PKHD1: variants seen among roughly 807,000 people sequenced by gnomAD.
PKHD1 encodes fibrocystin.
Under a neutral mutation model 412.0 loss-of-function variants are expected in PKHD1, and 291 were observed. The ratio of observed to expected loss-of-function variants is 0.71; its 90% CI spans 0.64 to 0.78. The LOEUF is 0.78. Ranked by LOEUF, PKHD1 falls within the 30% of genes least tolerant of loss-of-function variation. PKHD1 has a pLI of 0.00. For missense variants in PKHD1, 4,825 were observed against 4,950.7 expected (o/e 0.97, Z 0.76); for synonymous variants, 1,777 against 1,821.5 (o/e 0.98, Z 0.62).
intron 51 of PKHD1, among the ~76,000 whole-genome samples, chr6:51,832,947 T>C (rs1396893669): frequency 6.6e-6 from 1 of 152,148 alleles, no homozygotes; most frequent in East Asian, 1.9e-4. Context: ...GGAATAAGCA[T>C]CACTCAGTAA....
chr6:51,899,250 T>C lies in PKHD1; in HGVS notation c.6996+4347A>G, dbSNP rs566869705. On this transcript the variant is annotated intron_variant, in intron 43 of 66. Coordinates refer to ENST00000371117, the MANE Select transcript of PKHD1 (RefSeq NM_138694.4). The stretch of plus-strand genomic sequence containing the variant: ...TTACACCAATATCCTTGATGAACAT[T>C]GATGCAAAAATCCTCAATAAAATAC... Among the ~76,000 whole-genome samples the C allele has an allele frequency of 7.9e-5, 12 of 152,004 alleles. No homozygotes were observed. The East Asian group carries it at 1.9e-3, about 25-fold the overall frequency.
chr6:52,052,870 T>C (rs537460698), intron 21 of PKHD1, among the ~76,000 whole-genome samples: 1 of 151,342 alleles, frequency 6.6e-6, no homozygotes, highest in Non-Finnish European at 1.5e-5. Context: ...TAAGAGAAAA[T>C]CGTGGGGAAA....
At chr6:51,767,766 G>A (rs1026612853) in intron 55 of PKHD1, among the ~76,000 whole-genome samples, 29 of 152,214 alleles carry the variant, frequency 1.9e-4, no homozygotes, top group Middle Eastern at 3.4e-3. Context: ...GAATAGTGCC[G>A]CAATTAACAT....
chr6:52,006,196 C>T (rs763599758), intron 35 of PKHD1, among the ~76,000 whole-genome samples: 4 of 151,586 alleles, frequency 2.6e-5, no homozygotes, highest in Non-Finnish European at 2.9e-5. Flanking sequence ...ATATTTTAGA[C>T]GGAGTTTTGC....
intron 64 of PKHD1, among the ~76,000 whole-genome samples, chr6:51,637,653 C>T (rs150652910): frequency 0.017 from 2,644 of 151,470 alleles, 36 homozygotes; most frequent in Non-Finnish European, 0.027. Flanking sequence ...TGCCTGTAAT[C>T]CCAGCACTTA....
chr6:51,634,110 GCA>G (rs1752122469), intron 64 of PKHD1, among the ~76,000 whole-genome samples: 1 of 151,470 alleles, frequency 6.6e-6, no homozygotes, highest in African/African-American at 2.4e-5. Flanking sequence ...CATTTTTAAA[GCA>G]GCTCATTCAA....
chr6:51,818,484 T>C (rs1765841191), intron 52 of PKHD1, among the ~76,000 whole-genome samples: 1 of 152,226 alleles, frequency 6.6e-6, no homozygotes. Context: ...GATTTGACTC[T>C]ACTGTCTCTG....
At chr6:52,064,221 C>A (rs1035554006) in intron 13 of PKHD1, among the ~76,000 whole-genome samples, 2 of 152,350 alleles carry the variant, frequency 1.3e-5, no homozygotes, top group East Asian at 3.9e-4. Context: ...AAGTCAGGCC[C>A]TTGGGCACAG....
intron 43 of PKHD1, among the ~76,000 whole-genome samples, chr6:51,890,781 A>G (rs561842763): frequency 3.9e-4 from 60 of 152,328 alleles, no homozygotes; most frequent in African/African-American, 1.1e-3. Flanking sequence ...AAGAGTAGGA[A>G]GAAGACATGA....
intron 54 of PKHD1, among the ~76,000 whole-genome samples, chr6:51,774,750 A>T (rs536225625): frequency 7.2e-5 from 11 of 151,850 alleles, no homozygotes; most frequent in Non-Finnish European, 1.6e-4. Flanking sequence ...TTAAATTTAT[A>T]TCTCATAGTG....
intron 60 of PKHD1, among the ~76,000 whole-genome samples, chr6:51,675,368 T>G (rs1427008613): frequency 6.6e-6 from 1 of 152,170 alleles, no homozygotes; most frequent in Non-Finnish European, 1.5e-5. Flanking sequence ...TCTCCCTTGT[T>G]TTTGTCTTTT....
At chr6:51,929,261 A>C (rs1187975459) in intron 37 of PKHD1, among the ~76,000 whole-genome samples, 1 of 152,190 alleles carries the variant, frequency 6.6e-6, no homozygotes, top group Non-Finnish European at 1.5e-5. Flanking sequence ...GTCTTGGGGA[A>C]ACAGGAATCA....
At chr6:51,957,863 G>A (rs1019102159) in intron 36 of PKHD1, among the ~76,000 whole-genome samples, 8 of 151,762 alleles carry the variant, frequency 5.3e-5, no homozygotes, top group Non-Finnish European at 1.0e-4. Flanking sequence ...GTATACATTC[G>A]GCCTCACTGC....
Position 51,734,710 on chromosome 6 carries a change from G to T in PKHD1, c.10156+9675C>A, listed in dbSNP as rs62461303. ...AAACTGCAGATCAAAAATATGTGGA[G>T]GAAAAAAAAAAACTCTACAAAGTTC... On this transcript the variant is annotated intron_variant, in intron 60 of 66. Transcript: ENST00000371117. Among the ~76,000 whole-genome samples, 3 of 150,822 alleles carry T rather than the reference G, an allele frequency of 2.0e-5. No individual in the cohort carries two copies. In the East Asian group the frequency reaches 5.8e-4, roughly 29 times the overall value.
rs754964877 is a variant in PKHD1, at chr6:52,024,975, G to T, written c.4835C>A (p.Thr1612Asn). ...AGCACCGATGTTCACCGTCAGGCAGGTCTGCTGGTCAATATAGACTGACGT... is the reference window on the plus strand; with the variant it reads ...AGCACCGATGTTCACCGTCAGGCAGTTCTGCTGGTCAATATAGACTGACGT... ...NTTSVYIDQQ[T>N]CLTVNIGAEL... Residue 1612 changes from threonine (T) to asparagine (N), a missense_variant, in exon 32 of 67, where the codon ACC becomes AAC. Transcript: ENST00000371117. The T allele has an allele frequency of 9.9e-6, 16 of 1,614,124 alleles. No individual in the cohort carries two copies. In the Admixed American group the frequency reaches 1.2e-4, roughly 12 times the overall value.
intron 28 of PKHD1, among the ~76,000 whole-genome samples, chr6:52,034,190 A>T (rs1278949186): frequency 6.6e-6 from 1 of 151,776 alleles, no homozygotes; most frequent in Non-Finnish European, 1.5e-5. Context: ...AAAAAAAAAA[A>T]AAAGAACTAT....
chr6:52,018,613 A>C (rs1800916136), intron 33 of PKHD1, among the ~76,000 whole-genome samples: 1 of 152,144 alleles, frequency 6.6e-6, no homozygotes, highest in Non-Finnish European at 1.5e-5. Flanking sequence ...TCCCGGGTTC[A>C]AGCAATTCCC....
intron 21 of PKHD1, 41 bp from the exon 22 acceptor site, chr6:52,050,336 T>C: frequency 6.2e-7 from 1 of 1,607,864 alleles, no homozygotes; most frequent in South Asian, 1.1e-5. Context: ...TGACTTAAGA[T>C]GGTAGACTTG....
intron 37 of PKHD1, among the ~76,000 whole-genome samples, chr6:51,933,904 A>C (rs993015459): frequency 6.6e-6 from 1 of 152,256 alleles, no homozygotes; most frequent in Admixed American, 6.5e-5. Flanking sequence ...ATCCTCTTAC[A>C]GAAAGAGGAG....
Sources: gnomAD v4.1 joint callset for allele counts (sites outside exome capture counted in the v4.1 genomes callset) on GRCh38, gnomAD v4.1.1 for gene constraint, MANE v1.5 for transcripts, NCBI Gene and HGNC (gene_info 2026-07-23, HGNC 2026-07-21) for gene names.